Variants in NTM observed in about 807,000 individuals in gnomAD.
NTM encodes IgLON family member 2.
A neutral mutation model predicts 42.1 loss-of-function variants in NTM; 13 were observed. That is an observed-to-expected ratio of 0.31 (90% CI 0.20 to 0.49). NTM has a LOEUF of 0.49. Ranked by LOEUF, NTM falls within the 20% of genes least tolerant of loss-of-function variation. The probability of loss-of-function intolerance (pLI) is 0.99; values close to 1 mark genes in which losing one functional copy is unlikely to be tolerated. For synonymous variants in NTM, 187 were observed against 179.2 expected (o/e 1.04, Z -0.35); for missense variants, 373 against 452.8 (o/e 0.82, Z 1.60).
chr11:132,038,142 T>C (rs2076732057), intron 2 of NTM, among the ~76,000 whole-genome samples: 1 of 152,260 alleles, frequency 6.6e-6, no homozygotes, highest in African/African-American at 2.4e-5. Context: ...TGGTCCCACC[T>C]AGCTCCTGTC....
chr11:131,739,993 A>G (rs760725146), intron 1 of NTM, among the ~76,000 whole-genome samples: 15 of 152,220 alleles, frequency 9.9e-5, no homozygotes, highest in Non-Finnish European at 2.2e-4. Context: ...TAATGAAAAA[A>G]TCAATAGTTT....
chr11:132,139,118 C>T (rs959002570), intron 2 of NTM, among the ~76,000 whole-genome samples: 32 of 152,186 alleles, frequency 2.1e-4, no homozygotes, highest in South Asian at 8.3e-4. Flanking sequence ...AGAGACCACT[C>T]TTCTGTGTTT....
chr11:131,951,860 C>T (rs2061033614), intron 2 of NTM, among the ~76,000 whole-genome samples: 1 of 148,526 alleles, frequency 6.7e-6, no homozygotes, highest in African/African-American at 2.5e-5. Context: ...CGTCCATCCA[C>T]TACTCCCACC....
intron 1 of NTM, among the ~76,000 whole-genome samples, chr11:131,842,524 T>A (rs528685507): frequency 3.3e-5 from 5 of 151,962 alleles, no homozygotes; most frequent in Admixed American, 2.6e-4. Flanking sequence ...TCCACAAATC[T>A]GCTGACTCCT....
intron 4 of NTM, among the ~76,000 whole-genome samples, chr11:132,226,366 C>A (rs2086282054): frequency 6.6e-6 from 1 of 152,206 alleles, no homozygotes; most frequent in South Asian, 2.1e-4. Context: ...TCCTCTCTAG[C>A]ATCTGTTGTT....
At chr11:131,375,795 A>ATGTG (rs1336249753) in intron 1 of NTM, among the ~76,000 whole-genome samples, 1 of 37,430 alleles carries the variant, frequency 2.7e-5, no homozygotes, top group Non-Finnish European at 7.7e-5. Context: ...TTTTTCTTTC[A>ATGTG]TGTATGTATG....
intron 4 of NTM, among the ~76,000 whole-genome samples, chr11:132,234,512 T>C (rs529818868): frequency 1.3e-5 from 2 of 152,348 alleles, no homozygotes; most frequent in East Asian, 3.9e-4. Context: ...AGAGGTGGCA[T>C]GCCTTAAGTT....
chr11:131,910,998 T>C (rs568097038), intron 1 of NTM: 2 of 999,324 alleles, frequency 2.0e-6, no homozygotes, highest in East Asian at 2.0e-4. Context: ...CGAGCCCGGC[T>C]CCGAAACTTA....
chr11:132,094,930 C>G (rs914561968), intron 2 of NTM, among the ~76,000 whole-genome samples: 1 of 152,186 alleles, frequency 6.6e-6, no homozygotes, highest in Non-Finnish European at 1.5e-5. Context: ...TTGTTACAGT[C>G]AGTCTCAGCA....
At chr11:132,203,934 A>C (rs988586961) in intron 3 of NTM, among the ~76,000 whole-genome samples, 6 of 146,494 alleles carry the variant, frequency 4.1e-5, no homozygotes, top group Admixed American at 6.8e-5. Context: ...CAAAAAAAAA[A>C]CACTGCAATT....
chr11:131,953,247 A>G (rs2061212605), intron 2 of NTM, among the ~76,000 whole-genome samples: 1 of 152,210 alleles, frequency 6.6e-6, no homozygotes, highest in African/African-American at 2.4e-5. Context: ...CCTTCTAAAA[A>G]TAGAGGCACG....
At chr11:131,502,669 G>A (rs1441264744) in intron 1 of NTM, 1 of 152,348 alleles carries the variant, frequency 6.6e-6, no homozygotes, top group African/African-American at 2.4e-5. Context: ...GCTCACACAT[G>A]TCAGGCATTT....
chr11:131,445,397 A>G (rs1411318777), intron 1 of NTM, among the ~76,000 whole-genome samples: 1 of 152,216 alleles, frequency 6.6e-6, no homozygotes, highest in African/African-American at 2.4e-5. Flanking sequence ...CATGAATGAG[A>G]AAAGGAAAAT....
At chr11:131,513,135 A>T (rs547742145) in intron 1 of NTM, among the ~76,000 whole-genome samples, 1 of 152,294 alleles carries the variant, frequency 6.6e-6, no homozygotes, top group African/African-American at 2.4e-5. Flanking sequence ...CACAACCTTC[A>T]CTGTGTGAAC....
chr11:132,273,209 C>G (rs2093564144), intron 4 of NTM, among the ~76,000 whole-genome samples: 1 of 149,720 alleles, frequency 6.7e-6, no homozygotes, highest in Non-Finnish European at 1.5e-5. Flanking sequence ...TTATATTAAT[C>G]AATTTCTGGA....
At chr11:131,745,657 A>G (rs2081732549) in intron 1 of NTM, among the ~76,000 whole-genome samples, 1 of 152,210 alleles carries the variant, frequency 6.6e-6, no homozygotes, top group African/African-American at 2.4e-5. Context: ...AAGTCACTTC[A>G]TCTTAGAAAT....
At chr11:131,576,772 T>C in intron 1 of NTM, among the ~76,000 whole-genome samples, 1 of 152,170 alleles carries the variant, frequency 6.6e-6, no homozygotes, top group African/African-American at 2.4e-5. Context: ...ACATAATCAT[T>C]AATGGCAAAG....
chr11:131,562,629 CT>C (rs2056385539), intron 1 of NTM, among the ~76,000 whole-genome samples: 1 of 152,220 alleles, frequency 6.6e-6, no homozygotes, highest in African/African-American at 2.4e-5. Flanking sequence ...CGCTCTTCCC[CT>C]GTCTAAAATT....
At chr11:132,129,147 G>A (rs1003929211) in intron 2 of NTM, among the ~76,000 whole-genome samples, 24 of 152,042 alleles carry the variant, frequency 1.6e-4, no homozygotes, top group African/African-American at 5.8e-4. Context: ...TGGATAGGGT[G>A]GGGTCTATTG....
Sources: allele counts gnomAD v4.1 joint callset (sites outside exome capture counted in the v4.1 genomes callset), GRCh38; gene constraint gnomAD v4.1.1; transcripts MANE v1.5; gene names NCBI Gene and HGNC (gene_info 2026-07-23, HGNC 2026-07-21).